PRKG2: variants seen among roughly 807,000 people sequenced by gnomAD.
PRKG2 encodes the protein protein kinase cGMP-dependent 2, also known as cGMP-dependent protein kinase 2.
In PRKG2, 33 loss-of-function variants were observed where a neutral mutation model predicts 97.2. That is an observed-to-expected ratio of 0.34 (90% CI 0.26 to 0.45). The LOEUF (loss-of-function observed/expected upper bound fraction) is 0.45, where lower values mean the gene tolerates loss of function less well. Among genes scored for constraint, PRKG2 ranks in the 20% least tolerant of loss-of-function variants. The pLI, the probability that PRKG2 is intolerant of heterozygous loss-of-function variation, is 1.00. For synonymous variants in PRKG2, 330 were observed against 321.8 expected, an observed-to-expected ratio of 1.03 and a Z score of -0.27; for missense variants, 638 against 900.0, an observed-to-expected ratio of 0.71 and a Z score of 3.73.
At chr4:81,130,179 T>C (rs1746028270) in intron 14 of PRKG2, among the ~76,000 whole-genome samples, 1 of 152,186 alleles carries the variant, frequency 6.6e-6, no homozygotes, top group Non-Finnish European at 1.5e-5. Flanking sequence ...AGATGGGGTT[T>C]TTGGGTGGAA....
At chr4:81,171,583 A>G in intron 4 of PRKG2, 108 bp downstream of exon 4, 1 of 731,564 alleles carries the variant, frequency 1.4e-6, no homozygotes, top group Non-Finnish European at 2.1e-6. Context: ...AAGAACATAT[A>G]GGGTAAAATG....
At chr4:81,143,712 T>C (rs1236627451) in intron 10 of PRKG2, among the ~76,000 whole-genome samples, 1 of 152,176 alleles carries the variant, frequency 6.6e-6, no homozygotes, top group Non-Finnish European at 1.5e-5. Context: ...TGCTTAAGCA[T>C]TCACTCTAAA....
intron 2 of PRKG2, among the ~76,000 whole-genome samples, chr4:81,181,476 A>AAAAGC (rs1346431198): frequency 6.2e-5 from 6 of 96,066 alleles, no homozygotes; most frequent in Admixed American, 3.8e-4. Context: ...AAAGACTAGA[A>AAAAGC]AAAGTAAGTT....
upstream of PRKG2, among the ~76,000 whole-genome samples, chr4:81,216,339 C>T (rs1754271458): frequency 6.7e-6 from 1 of 149,466 alleles, no homozygotes. Flanking sequence ...TGAAGCTATC[C>T]CAGAGTCTGT....
intron 13 of PRKG2, 122 bp from the exon 14 acceptor site, chr4:81,135,418 C>T: frequency 9.8e-7 from 1 of 1,019,772 alleles, no homozygotes; most frequent in Non-Finnish European, 1.4e-6. Context: ...AGGGTATCAA[C>T]AATAAAATGT....
At position 81,110,324 on chromosome 4, in the gene PRKG2, T is replaced by C. The variant is rs1006129046; in HGVS notation, c.1940+124A>G. On this transcript the variant is annotated intron_variant, in intron 15 of 18. Coordinates refer to ENST00000264399, the MANE Select transcript of PRKG2 (RefSeq NM_006259.3). ...GTGAAACAATGTCATGAGAAAAAGG[T>C]ATCATACTTAATCGAAAACATTTTC... 10 of 994,592 alleles carry C rather than the reference T, an allele frequency of 1.0e-5. No individual in the cohort carries two copies. In the Admixed American group the frequency reaches 2.1e-4, roughly 21 times the overall value. The allele number at this position is 994,592 out of a possible 1,614,324, so 61.6% of individuals were successfully genotyped here.
At chr4:81,200,043 T>C (rs1753205501) in intron 2 of PRKG2, among the ~76,000 whole-genome samples, 1 of 152,238 alleles carries the variant, frequency 6.6e-6, no homozygotes, top group Admixed American at 6.5e-5. Context: ...CTCTGATTAA[T>C]TTGCCTGTGT....
At chr4:81,152,808 A>T (rs114893184) in intron 7 of PRKG2, among the ~76,000 whole-genome samples, 3 of 152,024 alleles carry the variant, frequency 2.0e-5, no homozygotes, top group African/African-American at 7.3e-5. Context: ...AAAAAATGAC[A>T]AGAAGTAGTT....
intron 14 of PRKG2, among the ~76,000 whole-genome samples, chr4:81,129,180 C>G (rs1745907111): frequency 6.6e-6 from 1 of 151,874 alleles, no homozygotes; most frequent in Non-Finnish European, 1.5e-5. Flanking sequence ...GTCTGAGAGA[C>G]TTAGGATTTC....
chr4:81,165,734 T>C (rs1434614039), intron 6 of PRKG2, among the ~76,000 whole-genome samples: 1 of 152,178 alleles, frequency 6.6e-6, no homozygotes, highest in East Asian at 1.9e-4. Flanking sequence ...AAATTTGAAT[T>C]GTGTGTTAAT....
In PRKG2 at chr4:81,142,887, C is replaced by T. The variant is rs759001692; in HGVS notation, c.1314G>A (p.Lys438=). The T allele has an allele frequency of 6.2e-7, 1 of 1,613,552 alleles. No homozygotes were observed. The highest frequency in any genetic ancestry group is 8.5e-7 in the Non-Finnish European group (1 of 1,179,622). ...KALSLEMIQL[K]EKVARFSSSS... ...ATGAGGAAAATCTGGCCACCTTCTC[C>T]TTCAGCTGAATCATTTCCAGAGAGA... Residue 438 remains lysine (K), a synonymous_variant, in exon 11 of 19, where the codon AAG becomes AAA. Transcript: ENST00000264399.
chr4:81,217,031 G>GTATATATATATATATACATA, upstream of PRKG2, among the ~76,000 whole-genome samples: 1 of 115,284 alleles, frequency 8.7e-6, no homozygotes, highest in Admixed American at 8.8e-5. Flanking sequence ...TATATATTTT[G>GTATATATATATATATACATA]TATATATATA....
At chr4:81,195,014 T>C (rs1051102307) in intron 2 of PRKG2, among the ~76,000 whole-genome samples, 1 of 152,110 alleles carries the variant, frequency 6.6e-6, no homozygotes, top group Non-Finnish European at 1.5e-5. Context: ...GACCCAGGCA[T>C]CAGTACTTCT....
intron 14 of PRKG2, among the ~76,000 whole-genome samples, chr4:81,115,619 A>G (rs991274535): frequency 1.3e-5 from 2 of 152,206 alleles, no homozygotes; most frequent in Admixed American, 1.3e-4. Context: ...GTTCATTAAC[A>G]AGCCAGAAAG....
chr4:81,197,327 G>A (rs1250134661), intron 2 of PRKG2, among the ~76,000 whole-genome samples: 1 of 152,174 alleles, frequency 6.6e-6, no homozygotes, highest in Non-Finnish European at 1.5e-5. Context: ...AAAATGTAAG[G>A]GAGAAGAGGT....
intron 8 of PRKG2, among the ~76,000 whole-genome samples, chr4:81,150,090 A>G (rs1257413547): frequency 6.6e-6 from 1 of 152,156 alleles, no homozygotes; most frequent in Non-Finnish European, 1.5e-5. Flanking sequence ...GTAGAGATAG[A>G]GATAGAGATG....
intron 14 of PRKG2, among the ~76,000 whole-genome samples, chr4:81,111,514 A>T (rs17005060): frequency 0.12 from 18,051 of 151,396 alleles, 2,029 homozygotes; most frequent in East Asian, 0.39. Context: ...GGCAAAAATC[A>T]TATATGTCAA....
At chr4:81,136,715 A>G (rs1746742421) in intron 13 of PRKG2, among the ~76,000 whole-genome samples, 1 of 152,098 alleles carries the variant, frequency 6.6e-6, no homozygotes. Context: ...CATCTACGAC[A>G]CTATTTGGCA....
chr4:81,126,253 A>G (rs1745540792), intron 14 of PRKG2, among the ~76,000 whole-genome samples: 1 of 152,186 alleles, frequency 6.6e-6, no homozygotes, highest in South Asian at 2.1e-4. Context: ...TATATGTGCC[A>G]CATTTTCTTT....
Sources: gnomAD v4.1 joint callset for allele counts (sites outside exome capture counted in the v4.1 genomes callset) on GRCh38, gnomAD v4.1.1 for gene constraint, MANE v1.5 for transcripts, NCBI Gene and HGNC (gene_info 2026-07-23, HGNC 2026-07-21) for gene names.